PLEKHG3: variants seen among roughly 807,000 people sequenced by gnomAD.
The protein encoded by PLEKHG3 is pleckstrin homology domain-containing family G member 3.
In PLEKHG3, 62 loss-of-function variants were observed where a neutral mutation model predicts 94.9. The observed-to-expected ratio is 0.65, with a 90% CI of 0.53 to 0.81. PLEKHG3 has a LOEUF of 0.81. PLEKHG3 is among the 30% of genes least tolerant of loss of function. The pLI, the probability that PLEKHG3 is intolerant of heterozygous loss-of-function variation, is 0.00. For missense variants in PLEKHG3, 1,461 were observed against 1,619.3 expected, an observed-to-expected ratio of 0.90 and a Z score of 1.68; for synonymous variants, 614 against 654.0, an observed-to-expected ratio of 0.94 and a Z score of 0.93.
rs2081360335 is a variant in PLEKHG3 at position 64,726,722 on chromosome 14, C to G, written c.-39-871C>G. On this transcript the variant is annotated intron_variant, in intron 1 of 16. Coordinates refer to ENST00000247226, the MANE Select transcript of PLEKHG3 (RefSeq NM_001308147.2). The surrounding 1 kb of genome is among the most constrained non-coding windows in gnomAD (Gnocchi z 5.1). ...ACAGAGACTCACTGATGGCTTAGCC[C>G]TGGGGAATTTCCTGGGGCCTGGGAT... is the stretch of plus-strand genomic sequence containing the variant. Among the ~76,000 whole-genome samples the G allele has an allele frequency of 6.6e-6, 1 of 152,186 alleles. No individual in the cohort carries two copies. The highest frequency in any genetic ancestry group is 2.4e-5 in the African/African-American group (1 of 41,438).
chr14:64,739,960 CA>C lies in PLEKHG3; in HGVS notation c.1519-1075del, dbSNP rs1289596911. Among the ~76,000 whole-genome samples the C allele has an allele frequency of 2.6e-5, 4 of 152,120 alleles. No homozygotes were observed. Among genetic ancestry groups the C allele is most frequent in the Non-Finnish European group, 5.9e-5 (4 of 68,034 alleles). On this transcript the variant is annotated intron_variant, in intron 15 of 16. Coordinates refer to ENST00000247226, the MANE Select transcript of PLEKHG3 (RefSeq NM_001308147.2). This position sits in a 1 kb window ranked among gnomAD's most constrained non-coding sequence, Gnocchi z 4.1. ...AAATAATAATACAATGAGAACCACC[CA>C]TTACAAAGTTTAAAAGAAGCAGATG...
intron 1 of PLEKHG3, among the ~76,000 whole-genome samples, chr14:64,706,465 C>T (rs781055015): frequency 1.3e-5 from 2 of 152,218 alleles, no homozygotes; most frequent in African/African-American, 2.4e-5. Flanking sequence ...TACTTGCCTG[C>T]TCTTCCTCAT....
rs1286579927 is a variant in PLEKHG3, at chr14:64,743,734, T to C, written c.*31T>C. On this transcript the variant is annotated 3_prime_UTR_variant, in exon 17 of 17. Transcript: ENST00000247226. The surrounding 1 kb of genome is among the most constrained non-coding windows in gnomAD (Gnocchi z 7.2). ...ACTCCTGGGGGAGGGAGGAGTCATG[T>C]TGGAGGTTGGGGAAGAACCTGGGCA... 2 of 1,510,926 alleles carry C rather than the reference T, an allele frequency of 1.3e-6. No homozygotes were observed. Among genetic ancestry groups the C allele is most frequent in the African/African-American group, 1.4e-5 (1 of 72,202 alleles). 93.6% of individuals were successfully genotyped at this position (1,510,926 alleles called of 1,614,324 possible). A position where few individuals can be genotyped will look rare whatever the true frequency, so the allele number is the denominator to read the frequency against.
intron 1 of PLEKHG3, among the ~76,000 whole-genome samples, chr14:64,706,910 C>T (rs1465154949): frequency 6.6e-6 from 1 of 152,196 alleles, no homozygotes; most frequent in Non-Finnish European, 1.5e-5. Flanking sequence ...GCCGCCCTGG[C>T]CTTGGAGGGT....
In PLEKHG3 at chr14:64,738,213, C is replaced by T. The variant is rs751210504; in HGVS notation, c.1405-529C>T. 3.1e-5 allele frequency: 40 copies of T among 1,288,490 alleles called. No individual in the cohort carries two copies. Among genetic ancestry groups the T allele is most frequent in the East Asian group, 2.8e-4 (5 of 18,030 alleles). 79.8% of individuals were successfully genotyped at this position (1,288,490 alleles called of 1,614,324 possible). ...TCGGGCCAACGCTTTACTTTTCTCC[C>T]GGGGCGCTATGGTGAGGTGTCTCTT... On this transcript the variant is annotated intron_variant, in intron 14 of 16. Coordinates refer to ENST00000247226, the MANE Select transcript of PLEKHG3 (RefSeq NM_001308147.2). The surrounding 1 kb of genome is among the most constrained non-coding windows in gnomAD (Gnocchi z 4.8).
At position 64,732,353 on chromosome 14, in the gene PLEKHG3, A is replaced by G; in HGVS notation, c.1213-74A>G. The stretch of plus-strand genomic sequence containing the variant: ...GCACTGTGGGGTGTCCTCGTACAGC[A>G]ACAGTGGGTCCTATGGGCAGGGAAG... On this transcript the variant is annotated intron_variant, in intron 10 of 16. Transcript: ENST00000247226. This position sits in a 1 kb window ranked among gnomAD's most constrained non-coding sequence, Gnocchi z 4.9. The G allele has an allele frequency of 7.1e-7, 1 of 1,416,502 alleles. No individual in the cohort carries two copies. Among genetic ancestry groups the G allele is most frequent in the Non-Finnish European group, 1.0e-6 (1 of 1,000,140 alleles). 87.7% of individuals were successfully genotyped at this position (1,416,502 alleles called of 1,614,324 possible). A position where few individuals can be genotyped will look rare whatever the true frequency, so the allele number is the denominator to read the frequency against.
chr14:64,727,554 A>G lies in PLEKHG3; in HGVS notation c.-39-39A>G. On this transcript the variant is annotated intron_variant, in intron 1 of 16. Coordinates refer to ENST00000247226, the MANE Select transcript of PLEKHG3 (RefSeq NM_001308147.2). The surrounding 1 kb of genome is among the most constrained non-coding windows in gnomAD (Gnocchi z 6.0). ...GTCCCTCTGTTCTGTTTCTGTGGGC[A>G]TTCAGAGGTTGACCCTTCATCTGTC... 4.2e-6 allele frequency: 2 copies of G among 471,432 alleles called. No individual in the cohort carries two copies. The highest frequency in any genetic ancestry group is 1.8e-5 in the South Asian group (1 of 54,774). 29.2% of individuals were successfully genotyped at this position (471,432 alleles called of 1,614,324 possible). A position where few individuals can be genotyped will look rare whatever the true frequency, so the allele number is the denominator to read the frequency against.
At chr14:64,737,279 C>T in intron 13 of PLEKHG3, 77 bp from the exon 14 acceptor site, 2 of 1,152,018 alleles carry the variant, frequency 1.7e-6, no homozygotes, top group East Asian at 2.5e-5. Flanking sequence ...AGGTCTTTTT[C>T]CTGCTTACTG....
In PLEKHG3 at chr14:64,743,197, G is replaced by A. The variant is rs748232809; in HGVS notation, c.3154G>A (p.Glu1052Lys). ...TETFSWPDVR[E>K]LCSKYASRDE... ...GACCTTCAGCTGGCCCGACGTCCGT[G>A]AGCTCTGCTCCAAGTATGCCTCCCG... The change falls in exon 17 of 17, where the codon GAG becomes AAG. Residue 1052 changes from glutamate (E) to lysine (K), a missense_variant. Physicochemically the swap from Glu to Lys is moderately conservative, Grantham distance 56. Transcript: ENST00000247226. This position sits in a 1 kb window ranked among gnomAD's most constrained non-coding sequence, Gnocchi z 7.2. 10 of 1,610,092 alleles carry A rather than the reference G, an allele frequency of 6.2e-6. No homozygotes were observed. Among genetic ancestry groups the A allele is most frequent in the South Asian group, 1.1e-5 (1 of 91,050 alleles).
chr14:64,734,721 C>T (rs1248429018), intron 12 of PLEKHG3, among the ~76,000 whole-genome samples: 1 of 126,358 alleles, frequency 7.9e-6, no homozygotes, highest in African/African-American at 2.9e-5. Flanking sequence ...TCCCTTCCTT[C>T]CTTCCTTCTT....
intron 3 of PLEKHG3, 52 bp downstream of exon 3, chr14:64,729,145 A>G: frequency 1.2e-6 from 1 of 802,810 alleles, no homozygotes; most frequent in Non-Finnish European, 2.0e-6. Flanking sequence ...GGCCCACCTC[A>G]GGGCCTAGGG....
intron 1 of PLEKHG3, among the ~76,000 whole-genome samples, chr14:64,708,804 G>C (rs572080512): frequency 6.6e-6 from 1 of 152,172 alleles, no homozygotes; most frequent in East Asian, 1.9e-4. Flanking sequence ...GTCATGGCCA[G>C]TTCCACCCCC....
chr14:64,736,659 G>A (rs373044723), intron 12 of PLEKHG3, among the ~76,000 whole-genome samples, 194 bp from the exon 13 acceptor site: 20 of 152,296 alleles, frequency 1.3e-4, no homozygotes, highest in South Asian at 2.1e-4. Flanking sequence ...GGATGGGCCC[G>A]CCTCCCTGTC....
rs1334710728 is a variant in PLEKHG3 at position 64,731,564 on chromosome 14, C to T, written c.1032+21C>T. 1.2e-6 allele frequency: 2 copies of T among 1,610,448 alleles called. No homozygotes were observed. Among genetic ancestry groups the T allele is most frequent in the Non-Finnish European group, 1.7e-6 (2 of 1,176,798 alleles). ...TCCCGGTAACCAGGCCCTGCCCCAT[C>T]TCCTCTGCCATCTTCTCTCCTTCCC... On this transcript the variant is annotated intron_variant, in intron 8 of 16. Transcript: ENST00000247226. The surrounding 1 kb of genome is among the most constrained non-coding windows in gnomAD (Gnocchi z 6.1).
In PLEKHG3 at chr14:64,733,782, T is replaced by A. The variant is rs141550163; in HGVS notation, c.1345+881T>A. Reference sequence around the variant, plus strand: ...GGTGTTCTTGGATTATTGGAATGAATCGTCTATTTGAAAAGAGAAAACCTT... The same window carrying A: ...GGTGTTCTTGGATTATTGGAATGAAACGTCTATTTGAAAAGAGAAAACCTT... On this transcript the variant is annotated intron_variant, in intron 12 of 16. Transcript: ENST00000247226. 9.1e-3 allele frequency among the ~76,000 whole-genome samples: 1,382 copies of A among 152,348 alleles called. 20 individuals carry two copies. The highest frequency in any genetic ancestry group is 0.032 in the African/African-American group (1,318 of 41,568).
intron 16 of PLEKHG3, 26 bp from the exon 17 acceptor site, chr14:64,742,954 CTT>C: frequency 6.2e-7 from 1 of 1,612,384 alleles, no homozygotes; most frequent in Non-Finnish European, 8.5e-7. Flanking sequence ...CCGCCCCATG[CTT>C]CAGGCAGCTT....
rs2081483529 is a variant in PLEKHG3 at position 64,732,314 on chromosome 14, C to T, written c.1213-113C>T. 39 of 1,244,422 alleles carry T rather than the reference C, an allele frequency of 3.1e-5. No homozygotes were observed. The highest frequency in any genetic ancestry group is 4.0e-5 in the Non-Finnish European group (34 of 845,638). 77.1% of individuals were successfully genotyped at this position (1,244,422 alleles called of 1,614,324 possible). On this transcript the variant is annotated intron_variant, in intron 10 of 16. Transcript: ENST00000247226. The surrounding 1 kb of genome is among the most constrained non-coding windows in gnomAD (Gnocchi z 4.9). ...GTGAGTGTCAGTACAGCAGATGCCC[C>T]GGGCCTTGGTGCAGCACTGTGGGGT...
Position 64,742,178 on chromosome 14 carries a change from G to A in PLEKHG3, c.2661G>A (p.Leu887=), listed in dbSNP as rs771634795. 8 of 1,612,786 alleles carry A rather than the reference G, an allele frequency of 5.0e-6. No individual in the cohort carries two copies. In the South Asian group the frequency reaches 6.6e-5, roughly 13 times the overall value. ...PAHLARELKE[L]VKELSSSTQG... Reference sequence around the variant, plus strand: ...ACCTGGCCCGGGAGCTGAAAGAGCTGGTGAAGGAGCTGAGCAGCAGTACCC... The same window carrying A: ...ACCTGGCCCGGGAGCTGAAAGAGCTAGTGAAGGAGCTGAGCAGCAGTACCC... Residue 887 remains leucine (L), a synonymous_variant, in exon 16 of 17, where the codon CTG becomes CTA. Coordinates refer to ENST00000247226, the MANE Select transcript of PLEKHG3 (RefSeq NM_001308147.2).
At chr14:64,729,790 AG>A (rs2081424527) in intron 3 of PLEKHG3, among the ~76,000 whole-genome samples, 1 of 152,154 alleles carries the variant, frequency 6.6e-6, no homozygotes, top group Non-Finnish European at 1.5e-5. Context: ...GGAAAAGAGG[AG>A]GAGCACAGAG....
Sources: gnomAD v4.1 joint callset for allele counts (sites outside exome capture counted in the v4.1 genomes callset) on GRCh38, gnomAD v4.1.1 for gene constraint, Gnocchi (gnomAD v3.1) non-coding constraint, MANE v1.5 for transcripts, NCBI Gene and HGNC (gene_info 2026-07-23, HGNC 2026-07-21) for gene names.